The following FAM131C variants were observed in gnomAD, a reference collection of about 807,000 sequenced individuals.
FAM131C encodes the protein protein FAM131C.
FAM131C carries 14 observed loss-of-function variants against 29.8 expected under a neutral mutation model. The ratio of observed to expected loss-of-function variants is 0.47; its 90% CI spans 0.31 to 0.73. The LOEUF (loss-of-function observed/expected upper bound fraction) is 0.73, where lower values mean the gene tolerates loss of function less well. Among genes scored for constraint, FAM131C ranks in the 30% least tolerant of loss-of-function variants. The pLI is 0.05. For missense variants in FAM131C, 252 were observed against 383.8 expected (o/e 0.66, Z 2.87); for synonymous variants, 86 against 157.8 (o/e 0.54, Z 3.41).
intron 1 of FAM131C, among the ~76,000 whole-genome samples, chr1:16,069,084 G>A (rs541166360): frequency 2.0e-5 from 3 of 152,266 alleles, no homozygotes; most frequent in Admixed American, 2.0e-4. Flanking sequence ...GGAAACGGAG[G>A]CTCAGAGAGG....
In FAM131C at chr1:16,059,584, T is replaced by C; in HGVS notation, c.472A>G (p.Ile158Val). The change falls in exon 6 of 7, where the codon ATC becomes GTC. Residue 158 changes from isoleucine to valine, a missense_variant. Ile to Val is a conservative substitution (Grantham distance 29, BLOSUM62 3). Transcript: ENST00000375662. Reference protein sequence around the residue: ...FAAGVAEQFAITEATLSAWSS... With the variant: ...FAAGVAEQFAVTEATLSAWSS... ...CAAGCGCTCAGTGTGGCCTCTGTGA[T>C]GGCAAACTGCTCGGCGACCCCTGGG... 6.2e-7 allele frequency: 1 copy of C among 1,600,458 alleles called. No homozygotes were observed. Among genetic ancestry groups the C allele is most frequent in the East Asian group, 2.3e-5 (1 of 44,344 alleles).
intron 1 of FAM131C, among the ~76,000 whole-genome samples, chr1:16,066,772 T>A (rs2023688606): frequency 6.6e-6 from 1 of 152,106 alleles, no homozygotes; most frequent in Non-Finnish European, 1.5e-5. Flanking sequence ...GTATTCTGGG[T>A]CATGATGCAA....
intron 1 of FAM131C, among the ~76,000 whole-genome samples, chr1:16,067,526 A>G (rs1354979593): frequency 6.6e-6 from 1 of 152,046 alleles, no homozygotes; most frequent in East Asian, 1.9e-4. Context: ...TGTCCACAAG[A>G]GTGACAGGCT....
Position 16,058,636 on chromosome 1 carries a change from C to A in FAM131C, c.644G>T (p.Ser215Ile), listed in dbSNP as rs1832151. ...DDSLQAFSSPSPSPDSCPSPE... is the reference protein window; with the variant it reads ...DDSLQAFSSPIPSPDSCPSPE... ...TGAGGGACAGCTGTCAGGGGAGGGG[C>A]TGGGCGAGGAGAAGGCCTGAAGGCT... The change falls in exon 7 of 7, where the codon AGC becomes ATC. Residue 215 changes from serine (S) to isoleucine (I), a missense_variant. Physicochemically the swap from Ser to Ile is moderately radical, Grantham distance 142 (BLOSUM62 -2). This residue lies in a region of FAM131C where 11 missense variants were observed against 76.8 expected (regional missense o/e 0.14). Transcript: ENST00000375662. 0.2 allele frequency: 316,422 copies of A among 1,580,524 alleles called. 5,151 individuals carry two copies. Among genetic ancestry groups the A allele is most frequent in the African/African-American group, 0.34 (24,199 of 71,648 alleles).
At chr1:16,072,187 T>C (rs2023758645) in intron 1 of FAM131C, among the ~76,000 whole-genome samples, 2 of 152,172 alleles carry the variant, frequency 1.3e-5, no homozygotes, top group South Asian at 4.1e-4. Context: ...ATCAGCTTAA[T>C]GCATGGATAA....
chr1:16,063,662 C>T, intron 1 of FAM131C, 26 bp from the exon 2 acceptor site: 3 of 1,497,054 alleles, frequency 2.0e-6, no homozygotes, highest in Non-Finnish European at 2.8e-6. Flanking sequence ...AGAGGAGGAA[C>T]TCAGCAAAGC....
rs945607724 is a variant in FAM131C, at chr1:16,063,630, A to C, written c.29T>G (p.Phe10Cys). MGSCVSRDL[F>C]TSAHKNCPMP... The stretch of plus-strand genomic sequence containing the variant: ...GGGGCAGTTCTTGTGGGCACTTGTG[A>C]ACAGGTCTGGAAATAAGAGCAAGAG... The change falls in exon 2 of 7, where the codon TTC becomes TGC. Residue 10 changes from phenylalanine to cysteine, a missense_variant. Phe to Cys is a radical substitution (Grantham distance 205). Transcript: ENST00000375662. 4 of 1,608,240 alleles carry C rather than the reference A, an allele frequency of 2.5e-6. No homozygotes were observed. Among genetic ancestry groups the C allele is most frequent in the Non-Finnish European group, 3.4e-6 (4 of 1,176,646 alleles).
intron 1 of FAM131C, among the ~76,000 whole-genome samples, chr1:16,068,374 G>A (rs1402198625): frequency 3.3e-5 from 5 of 152,226 alleles, no homozygotes; most frequent in African/African-American, 1.2e-4. Context: ...GCCACAGCAA[G>A]CAGTCCGTAA....
At chr1:16,063,500 G>A in intron 2 of FAM131C, 21 bp downstream of exon 2, 1 of 1,577,410 alleles carries the variant, frequency 6.3e-7, no homozygotes, top group Non-Finnish European at 8.7e-7. Flanking sequence ...GGTAGCACAG[G>A]GATGAGGAGC....
intron 1 of FAM131C, among the ~76,000 whole-genome samples, chr1:16,072,764 G>A (rs1200859896): frequency 2.0e-5 from 3 of 152,116 alleles, no homozygotes; most frequent in Non-Finnish European, 2.9e-5. Flanking sequence ...TGGGTACCAC[G>A]TGGGGGAGAG....
At position 16,057,886 on chromosome 1, in the gene FAM131C, G is replaced by T. The variant is rs142829093; in HGVS notation, c.*551C>A. On this transcript the variant is annotated 3_prime_UTR_variant, in exon 7 of 7. Coordinates refer to ENST00000375662, the MANE Select transcript of FAM131C (RefSeq NM_182623.3). ...GGAGCAGGGGACACGGAGGAAGCAG[G>T]TTCAGAGAGGGAGGGACAGACAGAC... 7.0e-3 allele frequency: 1,113 copies of T among 157,930 alleles called. 1 individual carries two copies. Among genetic ancestry groups the T allele is most frequent in the African/African-American group, 0.025 (1,044 of 41,270 alleles). The allele number at this position is 157,930 out of a possible 1,614,324, so 9.8% of individuals were successfully genotyped here.
At chr1:16,066,452 G>A (rs776300590) in intron 1 of FAM131C, among the ~76,000 whole-genome samples, 4 of 152,186 alleles carry the variant, frequency 2.6e-5, no homozygotes, top group Non-Finnish European at 4.4e-5. Flanking sequence ...TCTTTTTCCT[G>A]AGTCCCTGCT....
chr1:16,072,994 G>C (rs989538358), intron 1 of FAM131C, among the ~76,000 whole-genome samples: 1 of 152,054 alleles, frequency 6.6e-6, no homozygotes, highest in Non-Finnish European at 1.5e-5. Flanking sequence ...CGTGGGAAGG[G>C]GCTGTGGGGG....
At chr1:16,059,362 T>C (rs2023552721) in intron 6 of FAM131C, 132 bp downstream of exon 6, 1 of 1,358,780 alleles carries the variant, frequency 7.4e-7, no homozygotes. Context: ...CTGCCCCATT[T>C]TGCAGATGAA....
At chr1:16,072,206 A>G (rs1570360446) in intron 1 of FAM131C, among the ~76,000 whole-genome samples, 1 of 151,868 alleles carries the variant, frequency 6.6e-6, no homozygotes, top group East Asian at 1.9e-4. Flanking sequence ...AAGTAAAGGA[A>G]CCCCACACAG....
intron 2 of FAM131C, 38 bp downstream of exon 2, chr1:16,063,483 G>A: frequency 6.7e-7 from 1 of 1,502,230 alleles, no homozygotes; most frequent in Non-Finnish European, 9.3e-7. Context: ...CCGGGAACCG[G>A]GGCGCAGGTA....
rs746869602 is a variant in FAM131C at position 16,062,551 on chromosome 1, G to C, written c.139-17C>G. 3.8e-5 allele frequency: 60 copies of C among 1,570,028 alleles called. No individual in the cohort carries two copies. The African/African-American group carries it at 6.2e-4, about 16-fold the overall frequency. ...CTGTTTGTCCTAAAACAAGAGGAGA[G>C]AGAGGATCAGGCAGGGCCTGGCACG... On this transcript the variant is annotated splice_polypyrimidine_tract_variant and intron_variant, in intron 2 of 6. Transcript: ENST00000375662.
In FAM131C at chr1:16,058,223, G is replaced by A. The variant is rs2023514487; in HGVS notation, c.*214C>T. The stretch of plus-strand genomic sequence containing the variant: ...TGCCCACCTGAGTGAAGTAATGAAG[G>A]GGGAGGGGGTTATGGCTCCCACTGC... On this transcript the variant is annotated 3_prime_UTR_variant, in exon 7 of 7. Transcript: ENST00000375662. 9.5e-6 allele frequency: 4 copies of A among 421,140 alleles called. No homozygotes were observed. The South Asian group carries it at 2.0e-4, about 22-fold the overall frequency. 26.1% of individuals were successfully genotyped at this position (421,140 alleles called of 1,614,324 possible).
rs1442986252 is a variant in FAM131C at position 16,062,768 on chromosome 1, C to G, written c.139-234G>C. Among the ~76,000 whole-genome samples, 16 of 152,384 alleles carry G rather than the reference C, an allele frequency of 1.0e-4. 1 individual carries two copies. The South Asian group carries it at 2.9e-3, about 28-fold the overall frequency. ...CCTCGGGTGCCGCTTATAGAGCAGGCTTGGGTGTGGGCTCTGACTTTGCCA... is the reference window on the plus strand; with the variant it reads ...CCTCGGGTGCCGCTTATAGAGCAGGGTTGGGTGTGGGCTCTGACTTTGCCA... On this transcript the variant is annotated intron_variant, in intron 2 of 6. Transcript: ENST00000375662.
Sources: gnomAD v4.1 joint callset for allele counts (sites outside exome capture counted in the v4.1 genomes callset) on GRCh38, gnomAD v4.1.1 for gene constraint, gnomAD v4.1.1 regional missense constraint, MANE v1.5 for transcripts, NCBI Gene and HGNC (gene_info 2026-07-23, HGNC 2026-07-21) for gene names.